Variants in C1orf21 observed in about 807,000 individuals in gnomAD.
C1orf21 encodes the protein chromosome 1 open reading frame 21, also known as uncharacterized protein C1orf21.
In C1orf21, 3 loss-of-function variants were observed where a neutral mutation model predicts 18.7. The observed-to-expected ratio is 0.16, with a 90% CI of 0.07 to 0.42. C1orf21 has a LOEUF of 0.42. C1orf21 is among the 10% of genes least tolerant of loss of function. C1orf21 has a pLI of 0.99. For missense variants in C1orf21, 104 were observed against 143.6 expected (o/e 0.72, Z 1.41); for synonymous variants, 41 against 46.4 (o/e 0.88, Z 0.47).
At chr1:184,485,955 A>T (rs1657726905) in intron 2 of C1orf21, among the ~76,000 whole-genome samples, 1 of 152,228 alleles carries the variant, frequency 6.6e-6, no homozygotes, top group Non-Finnish European at 1.5e-5. Flanking sequence ...GCCAGATTAT[A>T]GTCATAAAAG....
intron 3 of C1orf21, among the ~76,000 whole-genome samples, chr1:184,551,943 T>TAA (rs5779224): frequency 0.48 from 67,608 of 139,478 alleles, 16,287 homozygotes; most frequent in African/African-American, 0.56. Flanking sequence ...GACCCTGTCT[T>TAA]AAAAAAAAAA....
intron 1 of C1orf21, among the ~76,000 whole-genome samples, chr1:184,415,743 T>A (rs1158634280): frequency 6.6e-6 from 1 of 152,164 alleles, no homozygotes; most frequent in South Asian, 2.1e-4. Context: ...CCTTCAAAAG[T>A]CTATTAGGCC....
At chr1:184,451,514 A>G (rs12068223) in intron 1 of C1orf21, among the ~76,000 whole-genome samples, 4,620 of 132,014 alleles carry the variant, frequency 0.035, 237 homozygotes, top group African/African-American at 0.13. Flanking sequence ...TGTGTTGCCC[A>G]GGCTTGTCTC....
intron 4 of C1orf21, among the ~76,000 whole-genome samples, chr1:184,595,044 A>T (rs750446501): frequency 2.6e-5 from 4 of 152,240 alleles, no homozygotes; most frequent in Non-Finnish European, 5.9e-5. Flanking sequence ...TTGAGGGTGC[A>T]GAGTTAATTC....
At chr1:184,430,799 G>A (rs150573951) in intron 1 of C1orf21, among the ~76,000 whole-genome samples, 1 of 152,222 alleles carries the variant, frequency 6.6e-6, no homozygotes, top group Non-Finnish European at 1.5e-5. Flanking sequence ...TAAATTTAAA[G>A]TAGTTTCTTC....
intron 3 of C1orf21, among the ~76,000 whole-genome samples, chr1:184,577,279 A>C (rs1558006807): frequency 6.6e-6 from 1 of 151,638 alleles, no homozygotes; most frequent in Admixed American, 6.6e-5. Flanking sequence ...GAGATAGAAG[A>C]TATATTACAC....
At chr1:184,392,348 C>T (rs1015468292) in intron 1 of C1orf21, among the ~76,000 whole-genome samples, 2 of 152,162 alleles carry the variant, frequency 1.3e-5, no homozygotes, top group African/African-American at 2.4e-5. Flanking sequence ...TTCACTGCTG[C>T]TCCCTCTAAG....
At chr1:184,592,591 G>A (rs1659454653) in intron 4 of C1orf21, among the ~76,000 whole-genome samples, 1 of 152,100 alleles carries the variant, frequency 6.6e-6, no homozygotes, top group African/African-American at 2.4e-5. Flanking sequence ...AATTTCCTGA[G>A]AGTACCGATG....
chr1:184,407,275 C>T (rs185647792), intron 1 of C1orf21, among the ~76,000 whole-genome samples: 345 of 152,268 alleles, frequency 2.3e-3, no homozygotes, highest in Middle Eastern at 0.017. Flanking sequence ...ACACCCCATA[C>T]CTCCCCCAAC....
At chr1:184,410,650 TATATATATATATA>T (rs1233699770) in intron 1 of C1orf21, among the ~76,000 whole-genome samples, 122 of 6,656 alleles carry the variant, frequency 0.018, 19 homozygotes, top group African/African-American at 0.029. Flanking sequence ...TATATATATA[TATATATATATATA>T]TTTTTTTTTT....
chr1:184,431,172 G>A (rs764348937), intron 1 of C1orf21, among the ~76,000 whole-genome samples: 1 of 152,062 alleles, frequency 6.6e-6, no homozygotes, highest in Non-Finnish European at 1.5e-5. Flanking sequence ...ACAATCCTAA[G>A]CAAAAAGAAC....
intron 4 of C1orf21, among the ~76,000 whole-genome samples, chr1:184,591,923 A>C (rs1380946735): frequency 6.6e-6 from 1 of 152,200 alleles, no homozygotes; most frequent in Non-Finnish European, 1.5e-5. Context: ...TGATGGAGGA[A>C]TCTCATAAGG....
At chr1:184,586,494 A>G (rs1217629242) in intron 3 of C1orf21, among the ~76,000 whole-genome samples, 1 of 151,972 alleles carries the variant, frequency 6.6e-6, no homozygotes, top group Non-Finnish European at 1.5e-5. Flanking sequence ...CGTGTTAGCC[A>G]GGATGGTCTG....
intron 1 of C1orf21, among the ~76,000 whole-genome samples, chr1:184,424,665 A>G (rs927198555): frequency 6.6e-6 from 1 of 152,316 alleles, no homozygotes; most frequent in African/African-American, 2.4e-5. Flanking sequence ...GCCTTGCAAC[A>G]GCCCTCATTG....
At chr1:184,614,892 G>T (rs1410101025) in intron 5 of C1orf21, among the ~76,000 whole-genome samples, 2 of 152,264 alleles carry the variant, frequency 1.3e-5, no homozygotes, top group African/African-American at 4.8e-5. Flanking sequence ...CTCGCCTGTC[G>T]CTCACTTCAT....
intron 1 of C1orf21, among the ~76,000 whole-genome samples, chr1:184,460,482 A>G (rs778713283): frequency 3.1e-4 from 47 of 151,512 alleles, no homozygotes; most frequent in Non-Finnish European, 5.7e-4. Context: ...AAACATTTCT[A>G]CTCTCAAGCA....
intron 1 of C1orf21, among the ~76,000 whole-genome samples, chr1:184,441,101 A>C (rs959684278): frequency 6.6e-6 from 1 of 152,172 alleles, no homozygotes; most frequent in South Asian, 2.1e-4. Flanking sequence ...GTTAGCAGAA[A>C]ACATCATCTT....
At chr1:184,487,987 T>C (rs981639564) in intron 2 of C1orf21, among the ~76,000 whole-genome samples, 2 of 152,270 alleles carry the variant, frequency 1.3e-5, no homozygotes, top group African/African-American at 4.8e-5. Flanking sequence ...CTCTGACCTA[T>C]GCAGTTTGCA....
In C1orf21 at chr1:184,447,332, T is replaced by C. The variant is rs1657050083; in HGVS notation, c.-124-30054T>C. Among the ~76,000 whole-genome samples, 5 of 152,230 alleles carry C rather than the reference T, an allele frequency of 3.3e-5. No individual in the cohort carries two copies. In the South Asian group the frequency reaches 1.0e-3, roughly 32 times the overall value. On this transcript the variant is annotated intron_variant, in intron 1 of 5. Transcript: ENST00000235307. ...TTTTAGTTGTTAGGTTAATGCTTTT[T>C]ACCAGCCTTCCAAGTGTCCATGATT... is the stretch of plus-strand genomic sequence containing the variant.
Sources: allele counts gnomAD v4.1 joint callset (sites outside exome capture counted in the v4.1 genomes callset), GRCh38; gene constraint gnomAD v4.1.1; transcripts MANE v1.5; gene names NCBI Gene and HGNC (gene_info 2026-07-23, HGNC 2026-07-21).